Variants in CLUH observed in about 807,000 individuals in gnomAD.
The protein encoded by CLUH is CLUH binding protein of NUMT mRNA.
A neutral mutation model predicts 139.3 loss-of-function variants in CLUH; 77 were observed. The observed-to-expected ratio is 0.55, with a 90% CI of 0.46 to 0.67. CLUH has a LOEUF of 0.67. Ranked by LOEUF, CLUH falls within the 30% of genes least tolerant of loss-of-function variation. The probability of loss-of-function intolerance (pLI) is 0.00; values close to 1 mark genes in which losing one functional copy is unlikely to be tolerated. For missense variants in CLUH, 1,876 were observed against 1,875.8 expected, an observed-to-expected ratio of 1.00 and a Z score of 0.00; for synonymous variants, 999 against 801.6, an observed-to-expected ratio of 1.25 and a Z score of -4.16.
In CLUH at chr17:2,696,448, TCAGGATTGAAG is replaced by T. The variant is rs1263121681; in HGVS notation, c.2265_2275del (p.Phe756HisfsTer10). The T allele has an allele frequency of 1.3e-5, 20 of 1,591,728 alleles. No homozygotes were observed. The highest frequency in any genetic ancestry group is 2.7e-5 in the African/African-American group (2 of 74,414). ...CCACCACCTGCCTGGTGAGAAGATG[TCAGGATTGAAG>T]CGAATGTCGAAGGCGGTGCTGCTGA... On this transcript the variant is annotated frameshift_variant, in exon 12 of 26. Coordinates refer to ENST00000651024, the MANE Select transcript of CLUH (RefSeq NM_001366661.1). LOFTEE classifies it high-confidence loss of function.
At chr17:2,692,245 G>A (rs1244213191) in intron 22 of CLUH, 116 bp downstream of exon 22, 2 of 1,439,104 alleles carry the variant, frequency 1.4e-6, no homozygotes, top group Non-Finnish European at 1.8e-6. Context: ...AGAGGGGGAG[G>A]TCGAGAGAAA....
At chr17:2,705,127 C>T (rs1280637265) in intron 1 of CLUH, among the ~76,000 whole-genome samples, 3 of 152,002 alleles carry the variant, frequency 2.0e-5, no homozygotes, top group Non-Finnish European at 2.9e-5. Flanking sequence ...CCAAGGAGAC[C>T]GCTGCCTCCC....
At chr17:2,708,859 TCGG>T (rs1217836751) in intron 1 of CLUH, among the ~76,000 whole-genome samples, 1 of 40,916 alleles carries the variant, frequency 2.4e-5, no homozygotes, top group South Asian at 9.1e-4. Context: ...CAGCCTCTAC[TCGG>T]GGGGGGGGGA....
intron 1 of CLUH, among the ~76,000 whole-genome samples, chr17:2,705,370 T>G (rs2070321787): frequency 6.6e-6 from 1 of 152,038 alleles, no homozygotes; most frequent in South Asian, 2.1e-4. Context: ...AAGACCAAGC[T>G]TCTCAGGCCA....
rs1265618418 is a variant in CLUH at position 2,690,376 on chromosome 17, CAATGGGGCCTCTGCATCATCT to C, written c.*197_*217del. 4.5e-6 allele frequency: 2 copies of C among 443,306 alleles called. No homozygotes were observed. Among genetic ancestry groups the C allele is most frequent in the Non-Finnish European group, 7.9e-6 (2 of 253,884 alleles). The allele number at this position is 443,306 out of a possible 1,614,324, so 27.5% of individuals were successfully genotyped here. A position where few individuals can be genotyped will look rare whatever the true frequency, so the allele number is the denominator to read the frequency against. On this transcript the variant is annotated 3_prime_UTR_variant, in exon 26 of 26. Coordinates refer to ENST00000651024, the MANE Select transcript of CLUH (RefSeq NM_001366661.1). Reference sequence around the variant, plus strand: ...GCCGCACACGCCATTCACGTGTCTCCAATGGGGCCTCTGCATCATCTATTCATTGAACCAGCGCAAAAACAC... The same window carrying C: ...GCCGCACACGCCATTCACGTGTCTCCATTCATTGAACCAGCGCAAAAACAC...
chr17:2,692,301 C>G, intron 22 of CLUH, 60 bp downstream of exon 22: 1 of 1,479,972 alleles, frequency 6.8e-7, no homozygotes, highest in Non-Finnish European at 8.9e-7. Context: ...TCTTCCCCGC[C>G]CCCGCCGGCT....
chr17:2,710,598 G>A (rs2070484900), intron 1 of CLUH, among the ~76,000 whole-genome samples: 1 of 152,204 alleles, frequency 6.6e-6, no homozygotes, highest in Non-Finnish European at 1.5e-5. Context: ...GCCTGAGGAA[G>A]ATGACGACTG....
Position 2,694,191 on chromosome 17 carries a change from T to G in CLUH, c.3023A>C (p.Lys1008Thr). ...EDVLNIFPVV[K>T]HVNPKASDAF... is the part of the protein sequence containing the mutation. ...ATCCGAGGCCTTGGGGTTGACGTGC[T>G]TGACCACGGGGAAGATGTTGAGCAC... The change falls in exon 18 of 26, where the codon AAG becomes ACG. Residue 1008 changes from lysine to threonine, a missense_variant. By Grantham distance (78) the Lys-to-Thr change is moderately conservative (BLOSUM62 -1). This residue lies in a region of CLUH where 1,454 missense variants were observed against 1,384.4 expected (regional missense o/e 1.05). Coordinates refer to ENST00000651024, the MANE Select transcript of CLUH (RefSeq NM_001366661.1). 6.2e-7 allele frequency: 1 copy of G among 1,613,372 alleles called. No homozygotes were observed. Among genetic ancestry groups the G allele is most frequent in the Non-Finnish European group, 8.5e-7 (1 of 1,179,650 alleles).
At position 2,704,698 on chromosome 17, in the gene CLUH, C is replaced by T. The variant is rs1331295273; in HGVS notation, c.101-134G>A. ...CTCGAGAGTCCCAGCCTCACGGTCG[C>T]GCCTCGCCCTCCGTGCACCTGCAGG... On this transcript the variant is annotated intron_variant, in intron 1 of 25. Transcript: ENST00000651024. This position sits in a 1 kb window ranked among gnomAD's most constrained non-coding sequence, Gnocchi z 5.7. 1.2e-6 allele frequency: 1 copy of T among 854,986 alleles called. No individual in the cohort carries two copies. Among genetic ancestry groups the T allele is most frequent in the Non-Finnish European group, 1.8e-6 (1 of 566,286 alleles). 53.0% of individuals were successfully genotyped at this position (854,986 alleles called of 1,614,324 possible).
At chr17:2,700,614 G>A (rs919098801) in intron 8 of CLUH, 64 bp downstream of exon 8, 189 of 1,527,594 alleles carry the variant, frequency 1.2e-4, no homozygotes, top group Middle Eastern at 3.5e-4. Flanking sequence ...GGAAGTGCAC[G>A]GAACCAGCCC....
intron 19 of CLUH, 145 bp downstream of exon 19, chr17:2,693,755 G>T: frequency 9.5e-7 from 1 of 1,057,666 alleles, no homozygotes; most frequent in Non-Finnish European, 1.3e-6. Context: ...CACAGTTACA[G>T]AGGGGTGGAG....
chr17:2,707,484 GA>G lies in CLUH; in HGVS notation c.101-2921del. The G allele has an allele frequency of 1.0e-6, 1 of 985,398 alleles. No homozygotes were observed. Among genetic ancestry groups the G allele is most frequent in the Non-Finnish European group, 1.2e-6 (1 of 829,908 alleles). The allele number at this position is 985,398 out of a possible 1,614,324, so 61.0% of individuals were successfully genotyped here. On this transcript the variant is annotated intron_variant, in intron 1 of 25. Transcript: ENST00000651024. The surrounding 1 kb of genome is among the most constrained non-coding windows in gnomAD (Gnocchi z 7.4). ...CCCGGTGGCCCCAGGACCCCAGGGG[GA>G]GCTGCTATCAGCACTCAGGCCCACC...
In CLUH at chr17:2,695,262, G is replaced by A; in HGVS notation, c.2563C>T (p.Leu855Phe). 1 of 1,613,932 alleles carries A rather than the reference G, an allele frequency of 6.2e-7. No homozygotes were observed. Among genetic ancestry groups the A allele is most frequent in the East Asian group, 2.2e-5 (1 of 44,876 alleles). ...DHVFKIGIGE[L>F]ITRSAKHIFK... ...ATGTGCTTGGCCGAGCGGGTGATGA[G>A]TTCTCCAATGCCGATTTTCTGGAAG... The change falls in exon 15 of 26, where the codon CTC (leucine) becomes TTC (phenylalanine). Residue 855 changes from leucine (L) to phenylalanine (F), a missense_variant. Leu to Phe is a conservative substitution (Grantham distance 22, BLOSUM62 0). Coordinates refer to ENST00000651024, the MANE Select transcript of CLUH (RefSeq NM_001366661.1).
Position 2,707,751 on chromosome 17 carries a change from C to T in CLUH, c.101-3187G>A. The T allele has an allele frequency of 1.0e-6, 1 of 985,434 alleles. No homozygotes were observed. The highest frequency in any genetic ancestry group is 1.2e-6 in the Non-Finnish European group (1 of 829,926). 61.0% of individuals were successfully genotyped at this position (985,434 alleles called of 1,614,324 possible). On this transcript the variant is annotated intron_variant, in intron 1 of 25. Transcript: ENST00000651024. This position sits in a 1 kb window ranked among gnomAD's most constrained non-coding sequence, Gnocchi z 7.4. ...CCGGGTCCAGGCCATAAGGTGGCTG[C>T]CTCTGCCCACCAGTCCCAGACACTG...
chr17:2,689,987 C>T lies in CLUH; in HGVS notation c.*607G>A, dbSNP rs1457288215. 6.6e-6 allele frequency: 1 copy of T among 152,492 alleles called. No individual in the cohort carries two copies. The highest frequency in any genetic ancestry group is 1.5e-5 in the Non-Finnish European group (1 of 68,152). The allele number at this position is 152,492 out of a possible 1,614,324, so 9.4% of individuals were successfully genotyped here. The stretch of plus-strand genomic sequence containing the variant: ...CCGTTCGGGAGCAGCAGCCAGACCA[C>T]GCCAGTCACAACGGCGGCTCCCGTC... On this transcript the variant is annotated 3_prime_UTR_variant, in exon 26 of 26. Coordinates refer to ENST00000651024, the MANE Select transcript of CLUH (RefSeq NM_001366661.1).
In CLUH at chr17:2,704,241, G is replaced by C. The variant is rs1412979915; in HGVS notation, c.303+121C>G. On this transcript the variant is annotated intron_variant, in intron 2 of 25. Transcript: ENST00000651024. The surrounding 1 kb of genome is among the most constrained non-coding windows in gnomAD (Gnocchi z 5.7). ...AGCTGAGTGACTCTAGGGAGGGCAC[G>C]GGATCCTCAGTTTCCTGCCACAAAA... 1.9e-6 allele frequency: 2 copies of C among 1,058,242 alleles called. No individual in the cohort carries two copies. Among genetic ancestry groups the C allele is most frequent in the South Asian group, 1.6e-5 (1 of 63,982 alleles). 65.6% of individuals were successfully genotyped at this position (1,058,242 alleles called of 1,614,324 possible).
intron 3 of CLUH, among the ~76,000 whole-genome samples, chr17:2,702,733 A>G (rs1033384665): frequency 1.3e-5 from 2 of 151,808 alleles, no homozygotes; most frequent in Non-Finnish European, 2.9e-5. Context: ...GGGACTTCTC[A>G]TGGATCTCTA....
Position 2,700,346 on chromosome 17 carries a change from G to A in CLUH, c.1266+36C>T, listed in dbSNP as rs528928464. On this transcript the variant is annotated intron_variant, in intron 9 of 25. Transcript: ENST00000651024. ...AAAACCCGTCAGCAGGTGGACAGCG[G>A]GCCTCAGACTGCCGGTCAGCAGAGG... 1.0e-5 allele frequency: 16 copies of A among 1,571,660 alleles called. No individual in the cohort carries two copies. In the African/African-American group the frequency reaches 1.9e-4, roughly 19 times the overall value.
rs1212975182 is a variant in CLUH at position 2,701,679 on chromosome 17, C to T, written c.678G>A (p.Glu226=). 1.3e-6 allele frequency: 2 copies of T among 1,598,304 alleles called. No homozygotes were observed. Among genetic ancestry groups the T allele is most frequent in the Admixed American group, 1.7e-5 (1 of 58,262 alleles). ...EMDPIDCTPP[E]YILPGSRERP... is the part of the protein sequence containing the mutation. ...GCTCCCGGCTCCCTGGCAGGATGTA[C>T]TCGGGTGGTGTGCAGTCGATGGGGT... Residue 226 remains glutamate (E), a synonymous_variant, in exon 5 of 26, where the codon GAG becomes GAA. Coordinates refer to ENST00000651024, the MANE Select transcript of CLUH (RefSeq NM_001366661.1).
Sources: gnomAD v4.1 joint callset for allele counts (sites outside exome capture counted in the v4.1 genomes callset) on GRCh38, gnomAD v4.1.1 for gene constraint, gnomAD v4.1.1 regional missense constraint, Gnocchi (gnomAD v3.1) non-coding constraint, MANE v1.5 for transcripts, NCBI Gene and HGNC (gene_info 2026-07-23, HGNC 2026-07-21) for gene names.